ELL2: variants seen among roughly 807,000 people sequenced by gnomAD.
ELL2 encodes the protein RNA polymerase II elongation factor ELL2.
A neutral mutation model predicts 72.8 loss-of-function variants in ELL2; 21 were observed. The observed-to-expected ratio is 0.29, with a 90% confidence interval of 0.20 to 0.42. The LOEUF (loss-of-function observed/expected upper bound fraction) is 0.42. Ranked by LOEUF, ELL2 falls within the 10% of genes least tolerant of loss-of-function variation. The pLI is 1.00. For missense variants in ELL2, 568 were observed against 772.8 expected (o/e 0.73, Z 3.14); for synonymous variants, 266 against 283.2 (o/e 0.94, Z 0.61).
chr5:95,955,496 C>T (rs1266018118), intron 1 of ELL2, among the ~76,000 whole-genome samples: 4 of 151,906 alleles, frequency 2.6e-5, no homozygotes, highest in Non-Finnish European at 5.9e-5. Context: ...AGCCATAGTA[C>T]TGCCACAGAA....
intron 2 of ELL2, among the ~76,000 whole-genome samples, chr5:95,940,434 C>T (rs1750929572): frequency 6.6e-6 from 1 of 152,082 alleles, no homozygotes; most frequent in South Asian, 2.1e-4. Flanking sequence ...CTTCTAAAGA[C>T]ATCACTGAGG....
chr5:95,894,357 A>G (rs1239916368), intron 9 of ELL2, among the ~76,000 whole-genome samples: 1 of 152,262 alleles, frequency 6.6e-6, no homozygotes, highest in Non-Finnish European at 1.5e-5. Context: ...GTCGTATATA[A>G]TAAGTATATG....
intron 1 of ELL2, among the ~76,000 whole-genome samples, chr5:95,960,555 G>A (rs1378145266): frequency 5.3e-5 from 8 of 151,858 alleles, no homozygotes; most frequent in Non-Finnish European, 1.5e-5. Flanking sequence ...GGCTTCTCTC[G>A]AAAACGAGGG....
At chr5:95,946,340 C>CCA (rs1751158365) in intron 1 of ELL2, among the ~76,000 whole-genome samples, 1 of 152,148 alleles carries the variant, frequency 6.6e-6, no homozygotes, top group Non-Finnish European at 1.5e-5. Flanking sequence ...ATATCAGACA[C>CCA]CAAAGAAAGA....
At chr5:95,954,762 A>T (rs965915362) in intron 1 of ELL2, among the ~76,000 whole-genome samples, 2 of 148,584 alleles carry the variant, frequency 1.3e-5, no homozygotes, top group East Asian at 2.0e-4. Flanking sequence ...AATTCTATAG[A>T]CTCTATTCAT....
At chr5:95,902,450 T>C (rs1749179292) in intron 5 of ELL2, among the ~76,000 whole-genome samples, 1 of 152,206 alleles carries the variant, frequency 6.6e-6, no homozygotes, top group Non-Finnish European at 1.5e-5. Context: ...GCTTAGCCAT[T>C]AACTAACTAC....
intron 4 of ELL2, among the ~76,000 whole-genome samples, chr5:95,909,273 A>G (rs961657545): frequency 6.6e-6 from 1 of 152,192 alleles, no homozygotes; most frequent in Non-Finnish European, 1.5e-5. Context: ...CCCTACCCCC[A>G]AAACACTCAC....
intron 1 of ELL2, 112 bp downstream of exon 1, chr5:95,961,463 T>C: frequency 7.8e-7 from 1 of 1,274,924 alleles, no homozygotes; most frequent in Non-Finnish European, 1.0e-6. Flanking sequence ...CTGCGGGCGC[T>C]GACGGTAGCA....
At chr5:95,912,386 C>T (rs1749638678) in intron 4 of ELL2, among the ~76,000 whole-genome samples, 1 of 152,060 alleles carries the variant, frequency 6.6e-6, no homozygotes, top group African/African-American at 2.4e-5. Context: ...TCAAACACAA[C>T]AATTTGCCTC....
chr5:95,908,336 T>C (rs1230960051), intron 4 of ELL2, among the ~76,000 whole-genome samples: 2 of 152,310 alleles, frequency 1.3e-5, no homozygotes, highest in Non-Finnish European at 2.9e-5. Flanking sequence ...TAATGGGATA[T>C]GCTCAAAGGG....
intron 2 of ELL2, among the ~76,000 whole-genome samples, chr5:95,921,156 G>A (rs1750066080): frequency 6.6e-6 from 1 of 152,138 alleles, no homozygotes; most frequent in South Asian, 2.1e-4. Context: ...AGGTAAGAAG[G>A]GAGACAATTG....
chr5:95,919,893 T>G (rs1431692034), intron 2 of ELL2, among the ~76,000 whole-genome samples: 2 of 152,226 alleles, frequency 1.3e-5, no homozygotes, highest in African/African-American at 2.4e-5. Context: ...CTTCCTCTTT[T>G]GAGCAATACA....
At chr5:95,945,055 T>C (rs1407996373) in intron 1 of ELL2, among the ~76,000 whole-genome samples, 2 of 152,172 alleles carry the variant, frequency 1.3e-5, no homozygotes, top group Admixed American at 6.5e-5. Context: ...ACTGAACCTG[T>C]TGGGTGATAA....
intron 2 of ELL2, among the ~76,000 whole-genome samples, chr5:95,931,002 C>T (rs757786003): frequency 9.9e-5 from 15 of 152,004 alleles, no homozygotes; most frequent in African/African-American, 2.4e-4. Context: ...CTTTTTAAAA[C>T]GCTTTCTTTA....
intron 9 of ELL2, among the ~76,000 whole-genome samples, chr5:95,892,290 G>C (rs1748696093): frequency 6.6e-6 from 1 of 152,058 alleles, no homozygotes; most frequent in Non-Finnish European, 1.5e-5. Context: ...GAGATTACAG[G>C]TACATGCCAC....
intron 4 of ELL2, among the ~76,000 whole-genome samples, chr5:95,907,636 C>A (rs1749426925): frequency 6.6e-6 from 1 of 152,140 alleles, no homozygotes; most frequent in African/African-American, 2.4e-5. Context: ...ATCCCAGCAA[C>A]CGTTCCTTGC....
chr5:95,944,077 T>A (rs949318205), intron 1 of ELL2, among the ~76,000 whole-genome samples: 3 of 152,208 alleles, frequency 2.0e-5, no homozygotes, highest in Non-Finnish European at 4.4e-5. Flanking sequence ...AATAAAAATA[T>A]AGAGGCACTA....
chr5:95,948,070 A>C (rs1185628159), intron 1 of ELL2, among the ~76,000 whole-genome samples: 4 of 152,174 alleles, frequency 2.6e-5, no homozygotes, highest in African/African-American at 9.7e-5. Flanking sequence ...AAGAACCTCA[A>C]AGGCTTTACT....
At chr5:95,929,623 T>C (rs192414635) in intron 2 of ELL2, among the ~76,000 whole-genome samples, 15 of 152,212 alleles carry the variant, frequency 9.9e-5, no homozygotes, top group Admixed American at 9.8e-4. Context: ...ATTTGTTAGA[T>C]TTATCTGAAG....
Sources: gnomAD v4.1 joint callset for allele counts (sites outside exome capture counted in the v4.1 genomes callset) on GRCh38, gnomAD v4.1.1 for gene constraint, MANE v1.5 for transcripts, NCBI Gene and HGNC (gene_info 2026-07-23, HGNC 2026-07-21) for gene names.